Variants in CA10 observed in about 807,000 individuals in gnomAD.
CA10 encodes carbonic anhydrase-related protein 10.
A neutral mutation model predicts 44.2 loss-of-function variants in CA10; 14 were observed. That is an observed-to-expected ratio of 0.32 (90% CI 0.21 to 0.50). The LOEUF (loss-of-function observed/expected upper bound fraction) is 0.50. CA10 is among the 20% of genes least tolerant of loss of function. The pLI is 0.99. For synonymous variants in CA10, 159 were observed against 141.6 expected (o/e 1.12, Z -0.87); for missense variants, 350 against 409.7 (o/e 0.85, Z 1.26).
At chr17:51,912,987 A>C (rs1487078951) in intron 3 of CA10, among the ~76,000 whole-genome samples, 2 of 152,188 alleles carry the variant, frequency 1.3e-5, no homozygotes, top group South Asian at 2.1e-4. Flanking sequence ...CAGTTACAGG[A>C]GGAAAAGCTC....
intron 5 of CA10, among the ~76,000 whole-genome samples, chr17:51,653,277 A>C (rs898281133): frequency 1.6e-4 from 25 of 152,194 alleles, no homozygotes; most frequent in Non-Finnish European, 2.4e-4. Context: ...AATGGTGAAC[A>C]GGACTTTAAT....
At position 51,855,626 on chromosome 17, in the gene CA10, G is replaced by C. The variant is rs114116128; in HGVS notation, c.279+75364C>G. On this transcript the variant is annotated intron_variant, in intron 3 of 8. Coordinates refer to ENST00000451037, the MANE Select transcript of CA10 (RefSeq NM_020178.5). ...AGAAAATGAAAAGCTACACACAGAT[G>C]TTCATCCAGGCCAGCTTTCTGCTGG... is the stretch of plus-strand genomic sequence containing the variant. Among the ~76,000 whole-genome samples, 899 of 152,324 alleles carry C rather than the reference G, an allele frequency of 5.9e-3. 12 individuals are homozygous for C. Among genetic ancestry groups the C allele is most frequent in the African/African-American group, 0.021 (862 of 41,570 alleles).
rs1421025049 is a variant in CA10, at chr17:52,045,954, T to C, written c.136+26365A>G. Among the ~76,000 whole-genome samples, 3 of 151,970 alleles carry C rather than the reference T, an allele frequency of 2.0e-5. 1 individual carries two copies. In the East Asian group the frequency reaches 5.8e-4, roughly 30 times the overall value. On this transcript the variant is annotated intron_variant, in intron 2 of 8. Transcript: ENST00000451037. ...ATACCTAGGAAAATTTTAAGATATTTGGCACTCAACTAGTGTATTTTAAAT... is the reference window on the plus strand; with the variant it reads ...ATACCTAGGAAAATTTTAAGATATTCGGCACTCAACTAGTGTATTTTAAAT...
intron 3 of CA10, among the ~76,000 whole-genome samples, chr17:51,849,145 T>A (rs1188118508): frequency 4.7e-5 from 6 of 127,946 alleles, no homozygotes; most frequent in Non-Finnish European, 8.4e-5. Flanking sequence ...ACTTAGTTTT[T>A]TATATATATA....
intron 1 of CA10, among the ~76,000 whole-genome samples, chr17:52,093,915 G>A (rs970219569): frequency 6.6e-6 from 1 of 152,074 alleles, no homozygotes; most frequent in Admixed American, 6.6e-5. Context: ...CATTCATCTG[G>A]TAAGTTGGAA....
intron 6 of CA10, among the ~76,000 whole-genome samples, chr17:51,645,981 GC>G (rs1237095415): frequency 6.6e-6 from 1 of 152,120 alleles, no homozygotes; most frequent in African/African-American, 2.4e-5. Context: ...AGAACTACTT[GC>G]CCTGGATATC....
chr17:51,843,783 A>G (rs1978378411), intron 3 of CA10, among the ~76,000 whole-genome samples: 1 of 152,216 alleles, frequency 6.6e-6, no homozygotes, highest in Non-Finnish European at 1.5e-5. Context: ...CTGTAGAAAG[A>G]AGAGAAAAAT....
At chr17:51,664,055 T>TA (rs1331907545) in intron 4 of CA10, among the ~76,000 whole-genome samples, 16 of 152,336 alleles carry the variant, frequency 1.1e-4, no homozygotes, top group South Asian at 4.1e-4. Flanking sequence ...ACTGTACTGG[T>TA]ATGTGTAGGG....
chr17:51,959,797 G>GAAAAAAAAAAAAAAAAAAAAGAAAAAA (rs3062037), intron 2 of CA10, among the ~76,000 whole-genome samples: 2 of 112,372 alleles, frequency 1.8e-5, no homozygotes, highest in Non-Finnish European at 3.5e-5. Context: ...CTGCTAAGAT[G>GAAAAAAAAAAAAAAAAAAAAGAAAAAA]AAAAAAAAAA....
rs772666807 is a variant in CA10, at chr17:51,642,108, A to G, written c.635-6099T>C. Among the ~76,000 whole-genome samples the G allele has an allele frequency of 2.0e-5, 3 of 152,344 alleles. No homozygotes were observed. In the Middle Eastern group the frequency reaches 0.01, roughly 518 times the overall value. On this transcript the variant is annotated intron_variant, in intron 6 of 8. Coordinates refer to ENST00000451037, the MANE Select transcript of CA10 (RefSeq NM_020178.5). ...GATATTTTGTTTTACACAAACAATA[A>G]ATGATAAAAGGGACCTCTGAGAATT...
In CA10 at chr17:51,635,855, C is replaced by T; in HGVS notation, c.789G>A (p.Gln263=). ...MNKPVYITRM[Q]MHSLRLLSQN... ...GCTAAATGACCAGAGAGAAACTCAC[C>T]TGCATCCTGGTTATATAGACAGGTT... Residue 263 remains glutamine, a splice_region_variant and synonymous_variant, in exon 7 of 9, where the codon CAG becomes CAA. Transcript: ENST00000451037. 2 of 1,569,314 alleles carry T rather than the reference C, an allele frequency of 1.3e-6. No individual in the cohort carries two copies. Among genetic ancestry groups the T allele is most frequent in the Non-Finnish European group, 1.7e-6 (2 of 1,155,978 alleles).
chr17:52,028,728 G>C (rs1986374932), intron 2 of CA10, among the ~76,000 whole-genome samples: 1 of 152,156 alleles, frequency 6.6e-6, no homozygotes, highest in Admixed American at 6.6e-5. Context: ...GGCCAGTGCT[G>C]GTCAAAAGCA....
chr17:52,015,995 G>T (rs1264281990), intron 2 of CA10, among the ~76,000 whole-genome samples: 6 of 152,062 alleles, frequency 3.9e-5, no homozygotes, highest in Non-Finnish European at 5.9e-5. Flanking sequence ...AGAGTTCCAG[G>T]TGAGTAGAGG....
chr17:52,094,030 A>G (rs1352252117), intron 1 of CA10, among the ~76,000 whole-genome samples: 1 of 152,176 alleles, frequency 6.6e-6, no homozygotes, highest in Non-Finnish European at 1.5e-5. Context: ...CATTCTCAGC[A>G]AACTATCACA....
intron 3 of CA10, among the ~76,000 whole-genome samples, chr17:51,868,575 C>T (rs1979656922): frequency 6.6e-6 from 1 of 152,166 alleles, no homozygotes; most frequent in South Asian, 2.1e-4. Context: ...TTCTGGCCTC[C>T]CTTTTAATAA....
At chr17:52,144,263 T>A (rs895780957) in intron 1 of CA10, among the ~76,000 whole-genome samples, 1 of 152,210 alleles carries the variant, frequency 6.6e-6, no homozygotes, top group Admixed American at 6.5e-5. Context: ...GTATCTTTTA[T>A]CATAAATGGA....
intron 2 of CA10, among the ~76,000 whole-genome samples, chr17:52,026,881 C>G (rs765626915): frequency 6.6e-6 from 1 of 151,814 alleles, no homozygotes; most frequent in Non-Finnish European, 1.5e-5. Context: ...ATTTCTGGCA[C>G]GAGGAACCAG....
chr17:51,792,930 A>G (rs955914372), intron 3 of CA10, among the ~76,000 whole-genome samples: 1 of 152,232 alleles, frequency 6.6e-6, no homozygotes, highest in South Asian at 2.1e-4. Flanking sequence ...GCAGAGGTTC[A>G]AGGGTGTAAG....
chr17:51,878,857 TATATATATATATATATATATATATATA>T (rs1980214990), intron 3 of CA10, among the ~76,000 whole-genome samples: 1 of 22,478 alleles, frequency 4.4e-5, no homozygotes, highest in Non-Finnish European at 7.4e-5. Context: ...TATATATATA[TATATATATATATATATATATATATATA>T]TATATATGGG....
Sources: allele counts gnomAD v4.1 joint callset (sites outside exome capture counted in the v4.1 genomes callset), GRCh38; gene constraint gnomAD v4.1.1; transcripts MANE v1.5; gene names NCBI Gene and HGNC (gene_info 2026-07-23, HGNC 2026-07-21).